The following CELF2 variants were observed in gnomAD, a reference collection of about 807,000 sequenced individuals.
The protein encoded by CELF2 is CUGBP Elav-like family member 2, also known as CUG triplet repeat RNA-binding protein 2.
In CELF2, 8 loss-of-function variants were observed where a neutral mutation model predicts 62.6. The observed-to-expected ratio is 0.13, with a 90% confidence interval of 0.07 to 0.23. The LOEUF (loss-of-function observed/expected upper bound fraction) is 0.23. CELF2 is among the 10% of genes least tolerant of loss of function. The pLI is 1.00. For synonymous variants in CELF2, 258 were observed against 250.0 expected, an observed-to-expected ratio of 1.03 and a Z score of -0.30; for missense variants, 333 against 671.0, an observed-to-expected ratio of 0.50 and a Z score of 5.56.
At chr10:10,559,306 G>A in the CELF2 span, among the ~76,000 whole-genome samples, 1 of 152,160 alleles carries the variant, frequency 6.6e-6, no homozygotes, top group African/African-American at 2.4e-5. Flanking sequence ...AAATGAGATT[G>A]GTAGCCATCT....
At chr10:10,802,766 T>C (rs868296627) in intron 1 of CELF2, among the ~76,000 whole-genome samples, 1 of 152,202 alleles carries the variant, frequency 6.6e-6, no homozygotes, top group Non-Finnish European at 1.5e-5. Flanking sequence ...CCAATTCCTC[T>C]TCCAACTCCA....
chr10:10,757,858 T>A, the CELF2 span, among the ~76,000 whole-genome samples: 2 of 152,250 alleles, frequency 1.3e-5, no homozygotes, highest in Non-Finnish European at 2.9e-5. Flanking sequence ...TTAAATTTTA[T>A]ATAGTTTAAA....
At chr10:11,134,507 A>C (rs2060113592) in intron 1 of CELF2, among the ~76,000 whole-genome samples, 1 of 152,130 alleles carries the variant, frequency 6.6e-6, no homozygotes, top group South Asian at 2.1e-4. Flanking sequence ...CTCCCTAGGC[A>C]TCTTGTGCTT....
chr10:10,500,239 G>A, the CELF2 span, among the ~76,000 whole-genome samples: 1 of 152,034 alleles, frequency 6.6e-6, no homozygotes, highest in Non-Finnish European at 1.5e-5. Context: ...TGAGATTATT[G>A]TAGATTCACA....
chr10:10,672,277 A>G, the CELF2 span, among the ~76,000 whole-genome samples: 1 of 152,174 alleles, frequency 6.6e-6, no homozygotes, highest in South Asian at 2.1e-4. Flanking sequence ...ATTCCTTTCA[A>G]GGTTCCCGCC....
intron 2 of CELF2, among the ~76,000 whole-genome samples, chr10:11,209,306 C>T (rs980404743): frequency 1.3e-5 from 2 of 151,958 alleles, no homozygotes; most frequent in Admixed American, 6.6e-5. Flanking sequence ...GCAAGCACTG[C>T]GTGGAGGTCC....
the CELF2 span, among the ~76,000 whole-genome samples, chr10:10,707,645 C>A: frequency 6.6e-6 from 1 of 152,266 alleles, no homozygotes; most frequent in East Asian, 1.9e-4. Context: ...AGTGCTGAAG[C>A]AGAAGCGGAC....
chr10:11,187,853 T>C (rs2075367269), intron 2 of CELF2, among the ~76,000 whole-genome samples: 1 of 152,236 alleles, frequency 6.6e-6, no homozygotes, highest in African/African-American at 2.4e-5. Flanking sequence ...TTTTGTTTAA[T>C]TGGCCAAATT....
At chr10:10,875,104 G>A (rs368886469) in intron 1 of CELF2, among the ~76,000 whole-genome samples, 1 of 152,272 alleles carries the variant, frequency 6.6e-6, no homozygotes, top group Non-Finnish European at 1.5e-5. Flanking sequence ...TTATTGAAAT[G>A]TGTCAACTTT....
chr10:10,968,981 T>G (rs1352111355), intron 2 of CELF2, among the ~76,000 whole-genome samples: 1 of 152,234 alleles, frequency 6.6e-6, no homozygotes, highest in Non-Finnish European at 1.5e-5. Context: ...TCTAATAATG[T>G]GCAAATGGGA....
At chr10:10,991,707 C>G (rs2053461374) in intron 2 of CELF2, among the ~76,000 whole-genome samples, 1 of 152,086 alleles carries the variant, frequency 6.6e-6, no homozygotes, top group Non-Finnish European at 1.5e-5. Context: ...GCAGCTGCCC[C>G]CAAAGACTTG....
At chr10:11,148,262 A>G (rs1362972277) in intron 1 of CELF2, among the ~76,000 whole-genome samples, 1 of 152,234 alleles carries the variant, frequency 6.6e-6, no homozygotes, top group African/African-American at 2.4e-5. Flanking sequence ...TTTGGGCAAC[A>G]GTGAGAACCC....
At chr10:10,977,497 G>C (rs1044275357) in intron 2 of CELF2, among the ~76,000 whole-genome samples, 2 of 152,114 alleles carry the variant, frequency 1.3e-5, no homozygotes, top group African/African-American at 4.8e-5. Context: ...AATGTCAGTT[G>C]GGAATAAAAT....
At chr10:10,595,497 T>C in the CELF2 span, among the ~76,000 whole-genome samples, 2 of 152,128 alleles carry the variant, frequency 1.3e-5, no homozygotes, top group African/African-American at 2.4e-5. Context: ...GTGGACCAAA[T>C]TGAAGACCTG....
the CELF2 span, among the ~76,000 whole-genome samples, chr10:10,605,483 C>T: frequency 6.6e-6 from 1 of 152,166 alleles, no homozygotes; most frequent in African/African-American, 2.4e-5. Flanking sequence ...TGTAGATTTT[C>T]CATACTGTCA....
chr10:10,707,430 G>A, the CELF2 span, among the ~76,000 whole-genome samples: 2 of 152,280 alleles, frequency 1.3e-5, no homozygotes, highest in African/African-American at 4.8e-5. Context: ...TAAATGTCAG[G>A]TCATGGTGAA....
intron 2 of CELF2, among the ~76,000 whole-genome samples, chr10:11,200,861 A>C (rs1291447853): frequency 1.3e-5 from 2 of 152,244 alleles, no homozygotes; most frequent in Non-Finnish European, 2.9e-5. Flanking sequence ...GCACCGTACA[A>C]GTTGTTTTCC....
the CELF2 span, among the ~76,000 whole-genome samples, chr10:10,483,759 GAAC>G: frequency 6.6e-6 from 1 of 151,900 alleles, no homozygotes; most frequent in Non-Finnish European, 1.5e-5. Flanking sequence ...GCAGCAAATT[GAAC>G]AACGCAAAAT....
intron 1 of CELF2, among the ~76,000 whole-genome samples, chr10:11,136,737 C>T (rs550278875): frequency 5.9e-5 from 9 of 152,326 alleles, no homozygotes; most frequent in Admixed American, 2.6e-4. Context: ...AGCTCTTCAC[C>T]GAATGTCTCC....
Sources: gnomAD v4.1 joint callset for allele counts (sites outside exome capture counted in the v4.1 genomes callset) on GRCh38, gnomAD v4.1.1 for gene constraint, MANE v1.5 for transcripts, NCBI Gene and HGNC (gene_info 2026-07-23, HGNC 2026-07-21) for gene names.